The following SLC12A8 variants were observed in gnomAD, a reference collection of about 807,000 sequenced individuals.
SLC12A8 encodes solute carrier family 12 member 8.
SLC12A8 carries 69 observed loss-of-function variants against 75.6 expected under a neutral mutation model. The observed-to-expected ratio is 0.91, with a 90% CI of 0.75 to 1.11. SLC12A8 has a LOEUF of 1.11. Among genes scored for constraint, SLC12A8 ranks in the 50% most tolerant of loss-of-function variants. The pLI, the probability that SLC12A8 is intolerant of heterozygous loss-of-function variation, is 0.00. For missense variants in SLC12A8, 877 were observed against 896.7 expected (o/e 0.98, Z 0.28); for synonymous variants, 365 against 372.8 (o/e 0.98, Z 0.24).
chr3:125,173,474 A>AAAAAC (rs1934452445), intron 5 of SLC12A8, among the ~76,000 whole-genome samples: 1 of 150,990 alleles, frequency 6.6e-6, no homozygotes, highest in Admixed American at 6.6e-5. Context: ...AAAAAAAAAA[A>AAAAAC]ACCAAAATAA....
intron 6 of SLC12A8, among the ~76,000 whole-genome samples, chr3:125,125,147 A>C (rs2948795): frequency 0.14 from 21,081 of 151,362 alleles, 1,672 homozygotes; most frequent in Admixed American, 0.18. Context: ...AGAAATGAAA[A>C]CTTTCTTCAT....
At chr3:125,207,411 G>A (rs1935246909) in intron 2 of SLC12A8, among the ~76,000 whole-genome samples, 1 of 152,210 alleles carries the variant, frequency 6.6e-6, no homozygotes, top group Admixed American at 6.5e-5. Context: ...AACCCTGAGA[G>A]AAGAAAGACA....
chr3:125,106,813 C>T (rs1050352908), intron 10 of SLC12A8, among the ~76,000 whole-genome samples: 3 of 152,142 alleles, frequency 2.0e-5, no homozygotes, highest in African/African-American at 7.2e-5. Flanking sequence ...TGCAAAGAAT[C>T]AGGTCAGAGT....
intron 5 of SLC12A8, among the ~76,000 whole-genome samples, chr3:125,174,832 A>G (rs1240913609): frequency 6.6e-6 from 1 of 152,226 alleles, no homozygotes; most frequent in Non-Finnish European, 1.5e-5. Flanking sequence ...TTAAAAGGCA[A>G]AGCACAGGGA....
rs961663873 is a variant in SLC12A8 at position 125,138,788 on chromosome 3, G to A, written c.623-3006C>T. On this transcript the variant is annotated intron_variant, in intron 5 of 13. Coordinates refer to ENST00000469902, the MANE Select transcript of SLC12A8 (RefSeq NM_024628.6). ...TTTGGGAGGCTGAGGTGGGAGGATTGCTTGAGCCCAGGTGTTTTAGACCAG... is the reference window on the plus strand; with the variant it reads ...TTTGGGAGGCTGAGGTGGGAGGATTACTTGAGCCCAGGTGTTTTAGACCAG... Among the ~76,000 whole-genome samples the A allele has an allele frequency of 5.9e-5, 9 of 151,728 alleles. No individual in the cohort carries two copies. In the East Asian group the frequency reaches 1.7e-3, roughly 29 times the overall value.
At position 125,193,933 on chromosome 3, in the gene SLC12A8, C is replaced by A. The variant is rs577600508; in HGVS notation, c.52-3412G>T. ...AACCATGGGTAGCTCTCTTTAGGAC[C>A]TAGTGTCCCAGATTTGGGCCCCAGT... On this transcript the variant is annotated intron_variant, in intron 2 of 13. Coordinates refer to ENST00000469902, the MANE Select transcript of SLC12A8 (RefSeq NM_024628.6). Among the ~76,000 whole-genome samples, 237 of 152,316 alleles carry A rather than the reference C, an allele frequency of 1.6e-3. 1 individual carries two copies. The highest frequency in any genetic ancestry group is 3.4e-3 in the Middle Eastern group (1 of 294).
chr3:125,211,919 A>ATT (rs1160011732), intron 1 of SLC12A8, among the ~76,000 whole-genome samples: 4 of 152,004 alleles, frequency 2.6e-5, no homozygotes, highest in Non-Finnish European at 4.4e-5. Context: ...GGTGAGTGAG[A>ATT]AAAGGCTGGA....
chr3:125,208,791 C>CACAGAGAGAGAGAG (rs1368605617), intron 2 of SLC12A8, among the ~76,000 whole-genome samples: 1 of 84,182 alleles, frequency 1.2e-5, no homozygotes, highest in Non-Finnish European at 2.4e-5. Context: ...CACACACACA[C>CACAGAGAGAGAGAG]AGAGAGAGAG....
At chr3:125,192,875 G>T (rs748575567) in intron 2 of SLC12A8, among the ~76,000 whole-genome samples, 5 of 152,284 alleles carry the variant, frequency 3.3e-5, no homozygotes, top group African/African-American at 4.8e-5. Context: ...GACTCCAAGG[G>T]AGTAACCCTG....
At chr3:125,206,817 G>A (rs1201221200) in intron 2 of SLC12A8, 1 of 152,190 alleles carries the variant, frequency 6.6e-6, no homozygotes, top group Non-Finnish European at 1.5e-5. Context: ...ACCAGAGCAG[G>A]AGCAAGAGGT....
In SLC12A8 at chr3:125,190,362, A is replaced by G. The variant is rs1344334928; in HGVS notation, c.198+13T>C. On this transcript the variant is annotated intron_variant, in intron 3 of 13. Transcript: ENST00000469902. ...GCCCGTGAGAGGCTCCAGGCCACCA[A>G]CTCAGCACTCACCACCAGCCAGCCA... 7 of 1,613,808 alleles carry G rather than the reference A, an allele frequency of 4.3e-6. No homozygotes were observed. Among genetic ancestry groups the G allele is most frequent in the Non-Finnish European group, 2.5e-6 (3 of 1,179,910 alleles).
At chr3:125,207,634 G>C (rs761895418) in intron 2 of SLC12A8, among the ~76,000 whole-genome samples, 4 of 152,204 alleles carry the variant, frequency 2.6e-5, no homozygotes, top group Non-Finnish European at 5.9e-5. Context: ...CACACAGCTT[G>C]TCAGCTTGCC....
At chr3:125,126,513 CT>C (rs1933212910) in intron 6 of SLC12A8, among the ~76,000 whole-genome samples, 1 of 152,206 alleles carries the variant, frequency 6.6e-6, no homozygotes, top group African/African-American at 2.4e-5. Context: ...TCCCTGCCCC[CT>C]GAATCACCCA....
intron 5 of SLC12A8, among the ~76,000 whole-genome samples, chr3:125,153,405 C>T (rs1933977543): frequency 6.6e-6 from 1 of 152,200 alleles, no homozygotes; most frequent in South Asian, 2.1e-4. Context: ...ACCAGTGCTT[C>T]TTTCTGCTAT....
At chr3:125,095,360 C>A (rs987471229) in intron 10 of SLC12A8, among the ~76,000 whole-genome samples, 1 of 152,212 alleles carries the variant, frequency 6.6e-6, no homozygotes, top group Non-Finnish European at 1.5e-5. Flanking sequence ...TTCTCTCACA[C>A]CTATACTTAT....
intron 10 of SLC12A8, among the ~76,000 whole-genome samples, chr3:125,103,536 C>T (rs1938940006): frequency 6.6e-6 from 1 of 151,776 alleles, no homozygotes; most frequent in Non-Finnish European, 1.5e-5. Context: ...GTGATGATGG[C>T]TCATTGTAGC....
intron 12 of SLC12A8, among the ~76,000 whole-genome samples, chr3:125,088,579 C>G (rs760417647): frequency 5.3e-5 from 8 of 152,152 alleles, no homozygotes; most frequent in Non-Finnish European, 1.2e-4. Context: ...GTGAATCCTT[C>G]AAAAGTTTAT....
At chr3:125,135,376 G>A (rs1210685578) in intron 6 of SLC12A8, among the ~76,000 whole-genome samples, 1 of 152,170 alleles carries the variant, frequency 6.6e-6, no homozygotes, top group Non-Finnish European at 1.5e-5. Flanking sequence ...AATGTATAAG[G>A]AGTGAGGAGG....
At chr3:125,162,088 G>A (rs1274856107) in intron 5 of SLC12A8, among the ~76,000 whole-genome samples, 1 of 152,270 alleles carries the variant, frequency 6.6e-6, no homozygotes, top group Non-Finnish European at 1.5e-5. Flanking sequence ...GAAGGTTGGC[G>A]CCTCTCTGGA....
Sources: allele counts gnomAD v4.1 joint callset (sites outside exome capture counted in the v4.1 genomes callset), GRCh38; gene constraint gnomAD v4.1.1; transcripts MANE v1.5; gene names NCBI Gene and HGNC (gene_info 2026-07-23, HGNC 2026-07-21).